Variants in STOX2 observed in about 807,000 individuals in gnomAD.
STOX2 encodes storkhead-box protein 2.
Under a neutral mutation model 60.9 loss-of-function variants are expected in STOX2, and 28 were observed. The observed-to-expected ratio is 0.46, with a 90% CI of 0.34 to 0.63. The LOEUF (loss-of-function observed/expected upper bound fraction) is 0.63. STOX2 is among the 30% of genes least tolerant of loss of function. The pLI, the probability that STOX2 is intolerant of heterozygous loss-of-function variation, is 0.01. For synonymous variants in STOX2, 472 were observed against 463.9 expected (o/e 1.02, Z -0.22); for missense variants, 1,024 against 1,187.7 (o/e 0.86, Z 2.03).
intron 1 of STOX2, among the ~76,000 whole-genome samples, chr4:183,963,337 T>C (rs1743466246): frequency 1.3e-5 from 2 of 152,242 alleles, no homozygotes; most frequent in South Asian, 4.1e-4. Context: ...TAAAGTGCCA[T>C]TAAAATAATT....
At position 184,010,733 on chromosome 4, in the gene STOX2, G is replaced by T; in HGVS notation, c.1895G>T (p.Gly632Val). The T allele has an allele frequency of 6.3e-7, 1 of 1,595,466 alleles. No homozygotes were observed. The highest frequency in any genetic ancestry group is 2.2e-5 in the East Asian group (1 of 44,770). ...CATGACACTCTGACTTTGGCAGAAG[G>T]GGTGAAAAAGCTCTCCCCTTCTGAT... ...EDHDTLTLAE[G>V]VKKLSPSDRQ... The change falls in exon 3 of 4, where the codon GGG becomes GTG. Residue 632 changes from glycine to valine, a missense_variant. By Grantham distance (109) the Gly-to-Val change is moderately radical (BLOSUM62 -3). Transcript: ENST00000308497. This position sits in a 1 kb window ranked among gnomAD's most constrained non-coding sequence, Gnocchi z 4.5.
intron 1 of STOX2, among the ~76,000 whole-genome samples, chr4:183,996,255 T>C (rs1033428137): frequency 6.6e-6 from 1 of 152,208 alleles, no homozygotes; most frequent in African/African-American, 2.4e-5. Flanking sequence ...TATCTACTCC[T>C]TTTTTAGAAC....
At chr4:183,847,823 G>A (rs530719298) in intron 1 of STOX2, among the ~76,000 whole-genome samples, 1 of 152,248 alleles carries the variant, frequency 6.6e-6, no homozygotes, top group East Asian at 1.9e-4. Context: ...ACAGGAACAG[G>A]CCCTTGGAAT....
chr4:183,907,607 G>A (rs765240646), intron 1 of STOX2, among the ~76,000 whole-genome samples: 2 of 152,228 alleles, frequency 1.3e-5, no homozygotes, highest in Non-Finnish European at 2.9e-5. Context: ...ATGTCAGACA[G>A]GAGGGACAAA....
chr4:183,850,062 C>T (rs373924864), intron 1 of STOX2, among the ~76,000 whole-genome samples: 4 of 152,030 alleles, frequency 2.6e-5, no homozygotes, highest in South Asian at 4.2e-4. Context: ...CTCCCGGGTT[C>T]AAGCAATTCT....
intron 1 of STOX2, among the ~76,000 whole-genome samples, chr4:183,945,495 G>A (rs1281313351): frequency 2.0e-5 from 3 of 152,196 alleles, no homozygotes. Flanking sequence ...GATTGCATCT[G>A]TATTTTGAGC....
chr4:184,011,463 G>T lies in STOX2; in HGVS notation c.2585+40G>T. ...CTCTGTGCACACACATGCGCCTAGC[G>T]GGGCCTGGGGCTTTATGCACGTAAC... On this transcript the variant is annotated intron_variant, in intron 3 of 3. Coordinates refer to ENST00000308497, the MANE Select transcript of STOX2 (RefSeq NM_020225.3). The surrounding 1 kb of genome is among the most constrained non-coding windows in gnomAD (Gnocchi z 4.4). The T allele has an allele frequency of 6.3e-7, 1 of 1,588,364 alleles. No individual in the cohort carries two copies. Among genetic ancestry groups the T allele is most frequent in the East Asian group, 2.2e-5 (1 of 44,706 alleles).
At chr4:183,995,105 G>T (rs1733272953) in intron 1 of STOX2, among the ~76,000 whole-genome samples, 1 of 152,032 alleles carries the variant, frequency 6.6e-6, no homozygotes, top group African/African-American at 2.4e-5. Flanking sequence ...GGCTTTTGTA[G>T]CAGGTATCTT....
At position 183,850,494 on chromosome 4, in the gene STOX2, C is replaced by T. The variant is rs1283824485; in HGVS notation, c.364+52439C>T. On this transcript the variant is annotated intron_variant, in intron 1 of 2. Coordinates refer to the STOX2 transcript ENST00000513034. ...CTGTAATCCCAGCACTTTGGGAGGC[C>T]GAGGCAGGTGGATCACTTGAGGTCA... Among the ~76,000 whole-genome samples the T allele has an allele frequency of 5.9e-5, 9 of 151,656 alleles. No homozygotes were observed. The East Asian group carries it at 1.2e-3, about 20-fold the overall frequency.
rs1485172918 is a variant in STOX2, at chr4:184,021,167, G to A, written c.*3883G>A. On this transcript the variant is annotated 3_prime_UTR_variant, in exon 4 of 4. Transcript: ENST00000308497. ...ACCAACAACAACCGATAATGACTTT[G>A]CACGATTCACTTTGGGATCTCAAAG... The A allele has an allele frequency of 6.6e-6, 1 of 152,176 alleles. No individual in the cohort carries two copies. Among genetic ancestry groups the A allele is most frequent in the Non-Finnish European group, 1.5e-5 (1 of 68,034 alleles). The allele number at this position is 152,176 out of a possible 1,614,324, so 9.4% of individuals were successfully genotyped here. A position where few individuals can be genotyped will look rare whatever the true frequency, so the allele number is the denominator to read the frequency against.
At chr4:183,898,012 C>G (rs1741375385) in intron 1 of STOX2, among the ~76,000 whole-genome samples, 1 of 152,172 alleles carries the variant, frequency 6.6e-6, no homozygotes, top group Admixed American at 6.5e-5. Context: ...AGCATTTTAA[C>G]AAATATATTA....
chr4:183,928,802 T>C (rs1742320040), intron 1 of STOX2, among the ~76,000 whole-genome samples: 1 of 151,244 alleles, frequency 6.6e-6, no homozygotes, highest in Non-Finnish European at 1.5e-5. Flanking sequence ...CGAGACTCCA[T>C]CTCAGGAAAA....
chr4:183,949,265 T>C (rs1742995487), intron 1 of STOX2, among the ~76,000 whole-genome samples: 1 of 152,168 alleles, frequency 6.6e-6, no homozygotes, highest in Non-Finnish European at 1.5e-5. Context: ...ACAAAACAAA[T>C]ACACAGGCTA....
At chr4:183,902,770 CCA>C (rs1201902515), upstream of STOX2, among the ~76,000 whole-genome samples, 3 of 152,180 alleles carry the variant, frequency 2.0e-5, no homozygotes, top group African/African-American at 7.2e-5. Context: ...AGCATTGTCC[CCA>C]GTTTGGATGG....
chr4:183,950,313 C>A (rs928967585), intron 1 of STOX2, among the ~76,000 whole-genome samples: 1 of 152,136 alleles, frequency 6.6e-6, no homozygotes, highest in African/African-American at 2.4e-5. Flanking sequence ...TTGAAATGGT[C>A]TCCGCCTTCA....
At chr4:183,818,729 T>C (rs1415676490) in intron 1 of STOX2, among the ~76,000 whole-genome samples, 1 of 147,530 alleles carries the variant, frequency 6.8e-6, no homozygotes, top group Non-Finnish European at 1.5e-5. Flanking sequence ...GGGGGCTGAC[T>C]CCCCACCTCC....
At chr4:183,845,610 A>G (rs1424542776) in intron 1 of STOX2, among the ~76,000 whole-genome samples, 2 of 152,328 alleles carry the variant, frequency 1.3e-5, no homozygotes, top group South Asian at 4.1e-4. Flanking sequence ...GGCCATGAAG[A>G]TAATAGAGAA....
chr4:183,968,743 T>A (rs1579483623), intron 1 of STOX2, among the ~76,000 whole-genome samples: 1 of 26,786 alleles, frequency 3.7e-5, no homozygotes, highest in African/African-American at 1.5e-4. Context: ...GAGAGTAGGT[T>A]GGGTTGCGGC....
chr4:183,912,532 C>T (rs1255761674), intron 1 of STOX2, among the ~76,000 whole-genome samples: 1 of 152,210 alleles, frequency 6.6e-6, no homozygotes, highest in Non-Finnish European at 1.5e-5. Flanking sequence ...ATAGAATCCT[C>T]TTTAGCCTTC....
Sources: gnomAD v4.1 joint callset for allele counts (sites outside exome capture counted in the v4.1 genomes callset) on GRCh38, gnomAD v4.1.1 for gene constraint, Gnocchi (gnomAD v3.1) non-coding constraint, MANE v1.5 for transcripts, NCBI Gene and HGNC (gene_info 2026-07-23, HGNC 2026-07-21) for gene names.